Variants in CUL5 observed in about 807,000 individuals in gnomAD.
The protein encoded by CUL5 is cullin-5.
In CUL5, 26 loss-of-function variants were observed where a neutral mutation model predicts 108.8. The observed-to-expected ratio is 0.24, with a 90% CI of 0.18 to 0.33. The LOEUF (loss-of-function observed/expected upper bound fraction) is 0.33, where lower values mean the gene tolerates loss of function less well. Ranked by LOEUF, CUL5 falls within the 10% of genes least tolerant of loss-of-function variation. CUL5 has a pLI of 1.00. For synonymous variants in CUL5, 334 were observed against 298.0 expected (o/e 1.12, Z -1.25); for missense variants, 524 against 909.2 (o/e 0.58, Z 5.45).
At chr11:108,090,652 A>G (rs928913556) in intron 13 of CUL5, among the ~76,000 whole-genome samples, 25 of 152,230 alleles carry the variant, frequency 1.6e-4, no homozygotes, top group Non-Finnish European at 3.5e-4. Flanking sequence ...TAGGGTAATC[A>G]ATGCTGATTA....
At chr11:108,093,217 C>G (rs1336408371) in intron 13 of CUL5, among the ~76,000 whole-genome samples, 1 of 152,184 alleles carries the variant, frequency 6.6e-6, no homozygotes, top group Non-Finnish European at 1.5e-5. Context: ...TGTAACTTGA[C>G]AGAGTAAGCA....
chr11:108,024,142 A>C (rs926547444), intron 1 of CUL5, among the ~76,000 whole-genome samples: 2 of 152,246 alleles, frequency 1.3e-5, no homozygotes, highest in Non-Finnish European at 2.9e-5. Context: ...ATAGTTAATT[A>C]AGAATGTGGC....
intron 10 of CUL5, 53 bp from the exon 11 acceptor site, chr11:108,078,123 T>A: frequency 2.9e-6 from 3 of 1,046,142 alleles, no homozygotes; most frequent in Non-Finnish European, 4.2e-6. Flanking sequence ...TATAAAAATT[T>A]ATCTGTATAT....
intron 11 of CUL5, among the ~76,000 whole-genome samples, chr11:108,081,938 A>G (rs1184089853): frequency 6.6e-6 from 1 of 152,150 alleles, no homozygotes; most frequent in African/African-American, 2.4e-5. Context: ...CATTCTGGCT[A>G]TTTGGGTTCC....
intron 7 of CUL5, among the ~76,000 whole-genome samples, chr11:108,065,923 C>T (rs1863665690): frequency 6.6e-6 from 1 of 152,170 alleles, no homozygotes; most frequent in South Asian, 2.1e-4. Context: ...AACAGGGTCT[C>T]ACTATGTTGT....
At chr11:108,040,075 C>T (rs1387706602) in intron 2 of CUL5, among the ~76,000 whole-genome samples, 2 of 152,228 alleles carry the variant, frequency 1.3e-5, no homozygotes, top group Non-Finnish European at 2.9e-5. Flanking sequence ...TTCTGTCTGC[C>T]TCCTTAAGAC....
chr11:108,035,732 G>A (rs1017283773), intron 2 of CUL5, among the ~76,000 whole-genome samples: 1 of 151,576 alleles, frequency 6.6e-6, no homozygotes, highest in Non-Finnish European at 1.5e-5. Flanking sequence ...TCCAGGCTGG[G>A]TGACAGCAAG....
rs67141256 is a variant in CUL5, at chr11:108,106,538, CTTTTTTTT to C, written c.*2163_*2170del. On this transcript the variant is annotated 3_prime_UTR_variant, in exon 19 of 19. Coordinates refer to ENST00000393094, the MANE Select transcript of CUL5 (RefSeq NM_003478.6). ...GCAAATACTGTAAATGTACAGTTTT[CTTTTTTTT>C]TTTTTTTTGGTTATGTATACAAAAG... is the stretch of plus-strand genomic sequence containing the variant. 2 of 126,414 alleles carry C rather than the reference CTTTTTTTT, an allele frequency of 1.6e-5. No homozygotes were observed. Among genetic ancestry groups the C allele is most frequent in the Non-Finnish European group, 3.4e-5 (2 of 58,022 alleles). The allele number at this position is 126,414 out of a possible 1,614,324, so 7.8% of individuals were successfully genotyped here.
At chr11:108,071,101 A>G (rs1353423889) in intron 8 of CUL5, among the ~76,000 whole-genome samples, 1 of 152,204 alleles carries the variant, frequency 6.6e-6, no homozygotes, top group Non-Finnish European at 1.5e-5. Flanking sequence ...TTATTTATGA[A>G]TACAGTTTTA....
At position 108,090,599 on chromosome 11, in the gene CUL5, A is replaced by G. The variant is rs535949728; in HGVS notation, c.1443+976A>G. Among the ~76,000 whole-genome samples the G allele has an allele frequency of 5.3e-5, 8 of 152,334 alleles. No homozygotes were observed. The East Asian group carries it at 1.5e-3, about 29-fold the overall frequency. On this transcript the variant is annotated intron_variant, in intron 13 of 18. Coordinates refer to ENST00000393094, the MANE Select transcript of CUL5 (RefSeq NM_003478.6). The stretch of plus-strand genomic sequence containing the variant: ...AGATGTTTATAAATGATAACAATAA[A>G]TACTTCTGTATAGCAAAAAGAACCT...
At chr11:108,025,569 A>AAAGTAGAG (rs1862432987) in intron 1 of CUL5, among the ~76,000 whole-genome samples, 1 of 152,128 alleles carries the variant, frequency 6.6e-6, no homozygotes, top group Non-Finnish European at 1.5e-5. Flanking sequence ...ACTCTACCCA[A>AAAGTAGAG]TGCCTGGCAC....
intron 1 of CUL5, among the ~76,000 whole-genome samples, chr11:108,010,301 T>G (rs1457684539): frequency 6.6e-6 from 1 of 152,248 alleles, no homozygotes; most frequent in East Asian, 1.9e-4. Context: ...ATGAACCACT[T>G]CTTCCTGAGG....
chr11:108,063,743 G>A (rs1319599828), intron 7 of CUL5, among the ~76,000 whole-genome samples: 1 of 151,782 alleles, frequency 6.6e-6, no homozygotes, highest in Non-Finnish European at 1.5e-5. Flanking sequence ...ATTCTTTTTG[G>A]TATATAGCCA....
chr11:108,089,512 A>G lies in CUL5; in HGVS notation c.1332A>G (p.Val444=), dbSNP rs759805272. 2 of 1,559,344 alleles carry G rather than the reference A, an allele frequency of 1.3e-6. No individual in the cohort carries two copies. Among genetic ancestry groups the G allele is most frequent in the Non-Finnish European group, 1.7e-6 (2 of 1,157,646 alleles). The change falls in exon 13 of 19, where the codon GTA becomes GTG. Residue 444 remains valine, a synonymous_variant. Coordinates refer to ENST00000393094, the MANE Select transcript of CUL5 (RefSeq NM_003478.6). The stretch of plus-strand genomic sequence containing the variant: ...TACAGCTCTTGGTACTTAAGTATGT[A>G]CAGAACAAAGATGTTTTTATGAGGT... The part of the protein sequence containing the change: ...LKEVLLVLKY[V]QNKDVFMRYH...
At chr11:108,049,322 T>G (rs974868115) in intron 3 of CUL5, among the ~76,000 whole-genome samples, 1 of 151,868 alleles carries the variant, frequency 6.6e-6, no homozygotes, top group African/African-American at 2.4e-5. Flanking sequence ...TATTGTGGGG[T>G]TTTTTGGTTT....
chr11:108,047,555 G>GCTAGTAGCCA (rs1863097933), intron 3 of CUL5, among the ~76,000 whole-genome samples: 1 of 152,114 alleles, frequency 6.6e-6, no homozygotes, highest in African/African-American at 2.4e-5. Flanking sequence ...TTTTAATTTT[G>GCTAGTAGCCA]CTAGTAGCCA....
rs747383106 is a variant in CUL5, at chr11:108,097,711, A to G, written c.1981A>G (p.Thr661Ala). 1 of 1,613,236 alleles carries G rather than the reference A, an allele frequency of 6.2e-7. No individual in the cohort carries two copies. ...EPQVNSPKDFTEGTLFSVNQE... is the reference protein window; with the variant it reads ...EPQVNSPKDFAEGTLFSVNQE... Reference sequence around the variant, plus strand: ...TCAAGTCAACTCACCCAAAGACTTTACAGAAGGTACCCTCTTCTCAGTGAA... The same window carrying G: ...TCAAGTCAACTCACCCAAAGACTTTGCAGAAGGTACCCTCTTCTCAGTGAA... Residue 661 changes from threonine (T) to alanine (A), a missense_variant, in exon 17 of 19, where the codon ACA (threonine) becomes GCA (alanine). Around this residue, in one of 8 missense-constraint regions of CUL5, gnomAD observed 66 missense variants for 81.4 expected, o/e 0.81. Coordinates refer to ENST00000393094, the MANE Select transcript of CUL5 (RefSeq NM_003478.6).
At chr11:108,067,600 G>A (rs1220691085) in intron 7 of CUL5, among the ~76,000 whole-genome samples, 2 of 151,328 alleles carry the variant, frequency 1.3e-5, no homozygotes, top group African/African-American at 4.9e-5. Flanking sequence ...CATACAGTCT[G>A]AAACACACTG....
At chr11:108,020,603 A>G (rs929731359) in intron 1 of CUL5, among the ~76,000 whole-genome samples, 1 of 151,990 alleles carries the variant, frequency 6.6e-6, no homozygotes, top group South Asian at 2.1e-4. Context: ...GCTGGTCTCA[A>G]ACTCCTGAGC....
Sources: allele counts gnomAD v4.1 joint callset (sites outside exome capture counted in the v4.1 genomes callset), GRCh38; gene constraint gnomAD v4.1.1; regional missense constraint gnomAD v4.1.1; transcripts MANE v1.5; gene names NCBI Gene and HGNC (gene_info 2026-07-23, HGNC 2026-07-21).